CARF: variants seen among roughly 807,000 people sequenced by gnomAD.
CARF encodes the protein calcium-responsive transcription factor.
CARF carries 57 observed loss-of-function variants against 82.0 expected under a neutral mutation model. The observed-to-expected ratio is 0.70, with a 90% confidence interval of 0.56 to 0.87. CARF has a LOEUF of 0.87. Among genes scored for constraint, CARF ranks in the 40% least tolerant of loss-of-function variants. CARF has a pLI of 0.00. For missense variants in CARF, 771 were observed against 855.8 expected (o/e 0.90, Z 1.24); for synonymous variants, 268 against 290.1 (o/e 0.92, Z 0.77).
In CARF at chr2:202,982,444, A is replaced by C; in HGVS notation, c.2059+3A>C. The C allele has an allele frequency of 1.9e-6, 3 of 1,613,570 alleles. No individual in the cohort carries two copies. The highest frequency in any genetic ancestry group is 2.5e-6 in the Non-Finnish European group (3 of 1,179,832). On this transcript the variant is annotated splice_donor_region_variant and intron_variant, in intron 16 of 16. Transcript: ENST00000438828. ...TATAGACAACCACTCAGCTCTTAGT[A>C]AGTTGAAATCAATTTATGATGTTAT... is the stretch of plus-strand genomic sequence containing the variant.
At chr2:202,913,888 C>T (rs1689112381) in intron 1 of CARF, among the ~76,000 whole-genome samples, 1 of 152,134 alleles carries the variant, frequency 6.6e-6, no homozygotes. Flanking sequence ...GGAAAATAAC[C>T]TGAATATATG....
chr2:202,971,639 G>T lies in CARF; in HGVS notation c.1232G>T (p.Cys411Phe). ...EEETAVRDEN[C>F]ALPSRLHPQV... ...GAAACTGCAGTTAGAGATGAGAATT[G>T]TGCATTACCCTCACGTTTACATCCT... Residue 411 changes from cysteine to phenylalanine, a missense_variant, in exon 12 of 17, where the codon TGT (cysteine) becomes TTT (phenylalanine). By Grantham distance (205) the Cys-to-Phe change is radical. Coordinates refer to ENST00000438828, the MANE Select transcript of CARF (RefSeq NM_024744.17). 6.2e-7 allele frequency: 1 copy of T among 1,613,592 alleles called. No homozygotes were observed. Among genetic ancestry groups the T allele is most frequent in the Non-Finnish European group, 8.5e-7 (1 of 1,179,716 alleles).
intron 5 of CARF, among the ~76,000 whole-genome samples, chr2:202,943,414 A>G (rs1333423321): frequency 1.3e-5 from 2 of 152,072 alleles, no homozygotes; most frequent in South Asian, 4.1e-4. Flanking sequence ...TTTCATTTTT[A>G]TGTAAGGATT....
intron 12 of CARF, among the ~76,000 whole-genome samples, chr2:202,973,172 T>C (rs1329288204): frequency 6.6e-6 from 1 of 152,216 alleles, no homozygotes; most frequent in Non-Finnish European, 1.5e-5. Flanking sequence ...GAGAGCTTAC[T>C]GTAATTCCTA....
intron 3 of CARF, among the ~76,000 whole-genome samples, chr2:202,928,944 G>A (rs1292734877): frequency 1.3e-5 from 2 of 152,008 alleles, no homozygotes; most frequent in Non-Finnish European, 2.9e-5. Context: ...TGTCTAGGCT[G>A]GTCTCAAACT....
rs377435192 is a variant in CARF, at chr2:202,942,853, A to G, written c.192A>G (p.Pro64=). The G allele has an allele frequency of 1.7e-5, 28 of 1,613,994 alleles. No homozygotes were observed. The highest frequency in any genetic ancestry group is 6.7e-5 in the East Asian group (3 of 44,878). The part of the protein sequence containing the change: ...ANNSLISQNI[P]GPLTQTQTLS... ...ATTCACTCATATCACAGAATATACC[A>G]GGGCCCCTGACTCAGACACAGACTC... The change falls in exon 5 of 17, where the codon CCA becomes CCG. Residue 64 remains proline (P), a synonymous_variant. Coordinates refer to ENST00000438828, the MANE Select transcript of CARF (RefSeq NM_024744.17).
intron 8 of CARF, 121 bp downstream of exon 8, chr2:202,955,879 A>G: frequency 1.7e-6 from 1 of 587,514 alleles, no homozygotes; most frequent in Non-Finnish European, 2.9e-6. Flanking sequence ...GTTTGTGTTT[A>G]TGTTAAATCT....
At chr2:202,934,912 C>A (rs1021861324) in intron 3 of CARF, among the ~76,000 whole-genome samples, 4 of 151,302 alleles carry the variant, frequency 2.6e-5, no homozygotes, top group Non-Finnish European at 5.9e-5. Context: ...CCCATCTCTA[C>A]CAAACAGTAC....
intron 5 of CARF, among the ~76,000 whole-genome samples, chr2:202,946,393 T>C (rs1574615635): frequency 6.6e-6 from 1 of 152,246 alleles, no homozygotes; most frequent in East Asian, 1.9e-4. Flanking sequence ...AAACAAGAAA[T>C]GGGGAAAGGA....
chr2:202,922,530 C>G lies in CARF; in HGVS notation c.-162-1767C>G, dbSNP rs367940833. Among the ~76,000 whole-genome samples the G allele has an allele frequency of 1.1e-4, 17 of 152,296 alleles. No homozygotes were observed. The East Asian group carries it at 2.9e-3, about 26-fold the overall frequency. ...AAATAAAGAGCATTTAGGCCAGTTG[C>G]TATGCCTCACGCCTATAATCCCAGC... On this transcript the variant is annotated intron_variant, in intron 2 of 16. Coordinates refer to ENST00000438828, the MANE Select transcript of CARF (RefSeq NM_024744.17).
chr2:202,926,392 A>G (rs1011817210), intron 3 of CARF, among the ~76,000 whole-genome samples: 3 of 152,244 alleles, frequency 2.0e-5, no homozygotes, highest in Non-Finnish European at 4.4e-5. Flanking sequence ...TAAGCCAAAG[A>G]AAAAAGCAAT....
chr2:202,927,384 A>G (rs1239285772), intron 3 of CARF, among the ~76,000 whole-genome samples: 1 of 152,032 alleles, frequency 6.6e-6, no homozygotes, highest in Non-Finnish European at 1.5e-5. Flanking sequence ...AATTGTGTAT[A>G]TTGATGATAT....
chr2:202,937,650 G>T (rs978275804), intron 3 of CARF, among the ~76,000 whole-genome samples: 16 of 151,912 alleles, frequency 1.1e-4, no homozygotes, highest in African/African-American at 3.6e-4. Flanking sequence ...TTGAGACAGA[G>T]TCTTGCTCTT....
intron 5 of CARF, among the ~76,000 whole-genome samples, chr2:202,948,404 T>A (rs1213969344): frequency 6.6e-6 from 1 of 152,096 alleles, no homozygotes; most frequent in Non-Finnish European, 1.5e-5. Context: ...CCATTGGCAG[T>A]TTGATAGGAA....
At chr2:202,969,684 A>G (rs1478913749) in intron 10 of CARF, among the ~76,000 whole-genome samples, 1 of 152,142 alleles carries the variant, frequency 6.6e-6, no homozygotes, top group African/African-American at 2.4e-5. Flanking sequence ...TCTACGGGAA[A>G]AAAATAGTAA....
chr2:202,930,706 C>T (rs1016631898), intron 3 of CARF, among the ~76,000 whole-genome samples: 2 of 152,028 alleles, frequency 1.3e-5, no homozygotes, highest in Admixed American at 6.6e-5. Flanking sequence ...TTTGGCAACT[C>T]GTAGCCTTTT....
intron 5 of CARF, among the ~76,000 whole-genome samples, chr2:202,951,206 T>C (rs2058740620): frequency 6.6e-6 from 1 of 151,836 alleles, no homozygotes; most frequent in Non-Finnish European, 1.5e-5. Flanking sequence ...GCCATCACAC[T>C]CAGCTAATTT....
intron 5 of CARF, among the ~76,000 whole-genome samples, chr2:202,947,365 C>G (rs1388990397): frequency 6.6e-6 from 1 of 152,116 alleles, no homozygotes; most frequent in African/African-American, 2.4e-5. Context: ...CCTCAGCAAT[C>G]TAACACAGGA....
chr2:202,953,643 A>G (rs181890322), intron 6 of CARF, among the ~76,000 whole-genome samples: 20 of 151,592 alleles, frequency 1.3e-4, no homozygotes, highest in African/African-American at 4.6e-4. Flanking sequence ...TTCTTTGTTA[A>G]TAGTCATTAA....
Sources: gnomAD v4.1 joint callset for allele counts (sites outside exome capture counted in the v4.1 genomes callset) on GRCh38, gnomAD v4.1.1 for gene constraint, MANE v1.5 for transcripts, NCBI Gene and HGNC (gene_info 2026-07-23, HGNC 2026-07-21) for gene names.